Variants in AFF3 observed in about 807,000 individuals in gnomAD.
AFF3 encodes AF4/FMR2 family member 3.
In AFF3, 32 loss-of-function variants were observed where a neutral mutation model predicts 129.7. That is an observed-to-expected ratio of 0.25 (90% CI 0.19 to 0.33). AFF3 has a LOEUF of 0.33. Among genes scored for constraint, AFF3 ranks in the 10% least tolerant of loss-of-function variants. AFF3 has a pLI of 1.00. For synonymous variants in AFF3, 644 were observed against 635.4 expected, an observed-to-expected ratio of 1.01 and a Z score of -0.20; for missense variants, 1,373 against 1,592.0, an observed-to-expected ratio of 0.86 and a Z score of 2.34.
chr2:99,954,385 T>C lies in AFF3; in HGVS notation c.873+52247A>G, dbSNP rs1439017943. Among the ~76,000 whole-genome samples the C allele has an allele frequency of 2.0e-5, 3 of 152,110 alleles. No homozygotes were observed. In the East Asian group the frequency reaches 5.8e-4, roughly 29 times the overall value. On this transcript the variant is annotated intron_variant, in intron 7 of 24. Transcript: ENST00000672756. The stretch of plus-strand genomic sequence containing the variant: ...TTTCTCAGGGATCTAGAACTAGAAA[T>C]ACCATTTGACCCAGCCATCCCATTA...
intron 7 of AFF3, among the ~76,000 whole-genome samples, chr2:99,900,462 T>C (rs956714541): frequency 3.3e-5 from 5 of 152,154 alleles, no homozygotes; most frequent in African/African-American, 1.2e-4. Context: ...CCAGGGCTCA[T>C]TCAGAAGCTC....
intron 8 of AFF3, among the ~76,000 whole-genome samples, chr2:99,784,422 G>A (rs1456556408): frequency 6.6e-6 from 1 of 152,216 alleles, no homozygotes; most frequent in East Asian, 1.9e-4. Flanking sequence ...CAAAGGGAAT[G>A]TGCTGCACAG....
At chr2:99,576,210 T>A (rs1676973635) in intron 18 of AFF3, among the ~76,000 whole-genome samples, 1 of 151,904 alleles carries the variant, frequency 6.6e-6, no homozygotes, top group Non-Finnish European at 1.5e-5. Flanking sequence ...TTGTTGTATT[T>A]TTAGTAGAGA....
At chr2:99,939,184 T>C (rs913417414) in intron 7 of AFF3, among the ~76,000 whole-genome samples, 1 of 152,246 alleles carries the variant, frequency 6.6e-6, no homozygotes, top group Non-Finnish European at 1.5e-5. Context: ...ACAAACAAGA[T>C]TTCTGCTTGA....
intron 11 of AFF3, among the ~76,000 whole-genome samples, chr2:99,698,605 G>C (rs1676535973): frequency 6.6e-6 from 1 of 152,202 alleles, no homozygotes; most frequent in East Asian, 1.9e-4. Flanking sequence ...TTAAGCACTT[G>C]ATTTTTTACA....
intron 7 of AFF3, among the ~76,000 whole-genome samples, chr2:99,909,003 T>C (rs924910882): frequency 5.3e-5 from 8 of 152,080 alleles, no homozygotes; most frequent in Non-Finnish European, 1.0e-4. Context: ...ACCCAAAGGA[T>C]TATAAATCAT....
At chr2:99,884,701 G>C (rs1692976281) in intron 7 of AFF3, among the ~76,000 whole-genome samples, 1 of 152,180 alleles carries the variant, frequency 6.6e-6, no homozygotes, top group Admixed American at 6.5e-5. Flanking sequence ...ACTGCACCCG[G>C]CCTGCTTATT....
chr2:99,728,824 C>T (rs1411331474), intron 10 of AFF3, among the ~76,000 whole-genome samples: 2 of 152,276 alleles, frequency 1.3e-5, no homozygotes, highest in East Asian at 3.9e-4. Flanking sequence ...TGCTTTAAAG[C>T]TCATTCTTGT....
At chr2:100,059,765 T>C (rs1254413959) in intron 4 of AFF3, among the ~76,000 whole-genome samples, 1 of 152,230 alleles carries the variant, frequency 6.6e-6, no homozygotes, top group Non-Finnish European at 1.5e-5. Context: ...GTGCTCCATC[T>C]GGACAAAGAG....
intron 7 of AFF3, among the ~76,000 whole-genome samples, chr2:99,864,484 G>C (rs1401889895): frequency 6.6e-6 from 1 of 152,164 alleles, no homozygotes; most frequent in African/African-American, 2.4e-5. Context: ...AAATAGACTT[G>C]TAGGCTGGGA....
At position 99,832,704 on chromosome 2, in the gene AFF3, C is replaced by T. The variant is rs370407716; in HGVS notation, c.921+4773G>A. ...AATGCAAAACGAAAACACAGGACTACCAAGTCAACTAACTTATCTTGGCTA... is the reference window on the plus strand; with the variant it reads ...AATGCAAAACGAAAACACAGGACTATCAAGTCAACTAACTTATCTTGGCTA... On this transcript the variant is annotated intron_variant, in intron 8 of 24. Transcript: ENST00000672756. Among the ~76,000 whole-genome samples, 131 of 152,348 alleles carry T rather than the reference C, an allele frequency of 8.6e-4. 3 individuals are homozygous for T. The South Asian group carries it at 0.026, about 30-fold the overall frequency.
intron 8 of AFF3, among the ~76,000 whole-genome samples, chr2:99,765,397 C>T (rs1055018347): frequency 1.1e-4 from 16 of 152,204 alleles, no homozygotes; most frequent in Admixed American, 5.9e-4. Flanking sequence ...TTCAATAAAA[C>T]CCCTGTCGCA....
At position 100,037,576 on chromosome 2, in the gene AFF3, A is replaced by G. The variant is rs1191769882; in HGVS notation, c.54-28644T>C. On this transcript the variant is annotated intron_variant, in intron 4 of 24. Transcript: ENST00000672756. ...TTATATATTATTTATATATAAATATATATTTATATTTTATATATTATTTAT... is the reference window on the plus strand; with the variant it reads ...TTATATATTATTTATATATAAATATGTATTTATATTTTATATATTATTTAT... Among the ~76,000 whole-genome samples, 4 of 1,420 alleles carry G rather than the reference A, an allele frequency of 2.8e-3. 1 individual carries two copies. Among genetic ancestry groups the G allele is most frequent in the Admixed American group, 0.017 (1 of 60 alleles). The allele number at this position is 1,420 out of a possible 152,430, so 0.9% of individuals were successfully genotyped here. A position where few individuals can be genotyped will look rare whatever the true frequency, so the allele number is the denominator to read the frequency against.
chr2:100,114,673 C>T lies in AFF3; in HGVS notation c.-144-9090G>A, dbSNP rs572789649. ...TTGGGATTACAGGCGTGAGCCACCA[C>T]GCCTGGCCAGCCCTGCATTTTTGCA... On this transcript the variant is annotated intron_variant, in intron 2 of 24. Transcript: ENST00000672756. Among the ~76,000 whole-genome samples, 10 of 152,356 alleles carry T rather than the reference C, an allele frequency of 6.6e-5. No individual in the cohort carries two copies. The East Asian group carries it at 1.2e-3, about 18-fold the overall frequency.
At chr2:99,849,344 C>T (rs1689968564) in intron 7 of AFF3, among the ~76,000 whole-genome samples, 1 of 152,162 alleles carries the variant, frequency 6.6e-6, no homozygotes, top group Non-Finnish European at 1.5e-5. Flanking sequence ...TGTCCTAGCT[C>T]TTCCCTAAGA....
At chr2:99,847,429 C>T (rs1689818056) in intron 7 of AFF3, among the ~76,000 whole-genome samples, 1 of 151,916 alleles carries the variant, frequency 6.6e-6, no homozygotes, top group Admixed American at 6.6e-5. Context: ...CCTGTAATCC[C>T]AGCACTTTGG....
At chr2:99,953,897 G>C (rs1676391220) in intron 7 of AFF3, among the ~76,000 whole-genome samples, 1 of 152,134 alleles carries the variant, frequency 6.6e-6, no homozygotes, top group Non-Finnish European at 1.5e-5. Flanking sequence ...ATGTTCCTTT[G>C]ATCAATGGTC....
chr2:100,126,448 CAG>C (rs1299754478), intron 2 of AFF3, among the ~76,000 whole-genome samples: 2 of 152,198 alleles, frequency 1.3e-5, no homozygotes, highest in African/African-American at 4.8e-5. Context: ...CAGATTCTCA[CAG>C]AGCACAAATG....
intron 7 of AFF3, among the ~76,000 whole-genome samples, chr2:99,904,531 T>TA (rs1694574030): frequency 6.6e-6 from 1 of 152,184 alleles, no homozygotes; most frequent in Non-Finnish European, 1.5e-5. Flanking sequence ...CTAGTTGATA[T>TA]AACAATATCA....
Sources: allele counts gnomAD v4.1 joint callset (sites outside exome capture counted in the v4.1 genomes callset), GRCh38; gene constraint gnomAD v4.1.1; transcripts MANE v1.5; gene names NCBI Gene and HGNC (gene_info 2026-07-23, HGNC 2026-07-21).